DGKI: variants seen among roughly 807,000 people sequenced by gnomAD.
DGKI encodes the protein DAG kinase iota.
In DGKI, 55 loss-of-function variants were observed where a neutral mutation model predicts 147.5. The ratio of observed to expected loss-of-function variants is 0.37; its 90% confidence interval spans 0.30 to 0.47. The LOEUF is 0.47. DGKI is among the 20% of genes least tolerant of loss of function. The pLI is 1.00. For missense variants in DGKI, 1,007 were observed against 1,323.8 expected, an observed-to-expected ratio of 0.76 and a Z score of 3.71; for synonymous variants, 469 against 477.1, an observed-to-expected ratio of 0.98 and a Z score of 0.22.
chr7:137,395,845 G>A (rs1011501104), intron 31 of DGKI, 148 bp from the exon 32 acceptor site: 18 of 590,504 alleles, frequency 3.0e-5, no homozygotes, highest in African/African-American at 5.6e-5. Context: ...GGGGAGGTAG[G>A]GAAGGGGATT....
intron 1 of DGKI, among the ~76,000 whole-genome samples, chr7:137,799,529 C>A (rs970112945): frequency 6.6e-6 from 1 of 152,132 alleles, no homozygotes; most frequent in Non-Finnish European, 1.5e-5. Context: ...TCATTATTAA[C>A]AAAACCAGTC....
At chr7:137,414,550 A>T (rs1812287340) in intron 28 of DGKI, among the ~76,000 whole-genome samples, 1 of 150,192 alleles carries the variant, frequency 6.7e-6, no homozygotes, top group South Asian at 2.1e-4. Flanking sequence ...AAAAAAAAAA[A>T]AACCCTATGA....
chr7:137,817,050 A>G (rs1797758417), intron 1 of DGKI, among the ~76,000 whole-genome samples: 1 of 152,228 alleles, frequency 6.6e-6, no homozygotes, highest in African/African-American at 2.4e-5. Context: ...CACTGTTATC[A>G]TTCTCGTCTC....
At chr7:137,550,105 G>T (rs1303841844) in intron 20 of DGKI, among the ~76,000 whole-genome samples, 1 of 151,670 alleles carries the variant, frequency 6.6e-6, no homozygotes, top group Non-Finnish European at 1.5e-5. Context: ...TTGGATGCAG[G>T]CATCACTGCC....
chr7:137,649,966 G>A lies in DGKI; in HGVS notation c.739-4429C>T, dbSNP rs545742613. Among the ~76,000 whole-genome samples the A allele has an allele frequency of 4.6e-5, 7 of 151,196 alleles. No individual in the cohort carries two copies. The South Asian group carries it at 1.5e-3, about 31-fold the overall frequency. Reference sequence around the variant, plus strand: ...CAGGGCATAGTGACCAACAATCTGTGCTCCAGAGACTCTTACCACTTAGTG... The same window carrying A: ...CAGGGCATAGTGACCAACAATCTGTACTCCAGAGACTCTTACCACTTAGTG... On this transcript the variant is annotated intron_variant, in intron 5 of 32. Coordinates refer to ENST00000614521, the MANE Select transcript of DGKI (RefSeq NM_001321708.2).
At chr7:137,541,470 T>C (rs2128961488) in intron 20 of DGKI, among the ~76,000 whole-genome samples, 1 of 152,342 alleles carries the variant, frequency 6.6e-6, no homozygotes, top group African/African-American at 2.4e-5. Flanking sequence ...ATAAGCAATC[T>C]AGAGATGATT....
chr7:137,788,168 G>T (rs1308635336), intron 1 of DGKI, among the ~76,000 whole-genome samples: 2 of 152,108 alleles, frequency 1.3e-5, no homozygotes, highest in Non-Finnish European at 2.9e-5. Flanking sequence ...TTCTCTTGAG[G>T]TTCCTGTTCC....
chr7:137,798,064 C>T (rs1017579103), intron 1 of DGKI, among the ~76,000 whole-genome samples: 4 of 152,082 alleles, frequency 2.6e-5, no homozygotes, highest in African/African-American at 9.7e-5. Flanking sequence ...CTATAAACAA[C>T]TATATGCCAA....
chr7:137,622,797 T>A (rs1055026208), intron 7 of DGKI, among the ~76,000 whole-genome samples: 1 of 152,094 alleles, frequency 6.6e-6, no homozygotes, highest in Middle Eastern at 3.4e-3. Flanking sequence ...AATAAGAAAA[T>A]GTAGCATCTG....
At chr7:137,640,006 G>GTT (rs372124897) in intron 6 of DGKI, among the ~76,000 whole-genome samples, 8 of 143,616 alleles carry the variant, frequency 5.6e-5, no homozygotes, top group East Asian at 2.0e-4. Context: ...TTATTATTAG[G>GTT]TTTTTTTTTT....
intron 1 of DGKI, among the ~76,000 whole-genome samples, chr7:137,816,639 C>T (rs148257746): frequency 2.0e-5 from 3 of 151,924 alleles, no homozygotes; most frequent in Admixed American, 2.0e-4. Context: ...AGAGGAGAGA[C>T]AGATAATAAA....
intron 23 of DGKI, among the ~76,000 whole-genome samples, chr7:137,470,878 G>C (rs1335159521): frequency 6.6e-6 from 1 of 152,086 alleles, no homozygotes; most frequent in Non-Finnish European, 1.5e-5. Flanking sequence ...CCTTCCAAGA[G>C]ATTGCCAGGA....
At chr7:137,648,089 ACAGT>A (rs1234390946) in intron 5 of DGKI, among the ~76,000 whole-genome samples, 1 of 152,198 alleles carries the variant, frequency 6.6e-6, no homozygotes, top group Non-Finnish European at 1.5e-5. Flanking sequence ...GATTTCAATG[ACAGT>A]CAGTAGTAGA....
At chr7:137,708,557 A>G (rs756571115) in intron 1 of DGKI, among the ~76,000 whole-genome samples, 2 of 152,246 alleles carry the variant, frequency 1.3e-5, no homozygotes, top group Non-Finnish European at 2.9e-5. Context: ...ATATTTAGCA[A>G]AAAGAAATGG....
chr7:137,530,350 C>T (rs1029287875), intron 20 of DGKI, among the ~76,000 whole-genome samples: 1 of 152,126 alleles, frequency 6.6e-6, no homozygotes, highest in African/African-American at 2.4e-5. Flanking sequence ...AGTTTATCCT[C>T]CTCTAAATCT....
At chr7:137,818,312 C>T (rs1364163554) in intron 1 of DGKI, among the ~76,000 whole-genome samples, 1 of 152,182 alleles carries the variant, frequency 6.6e-6, no homozygotes, top group African/African-American at 2.4e-5. Flanking sequence ...GTGTCATCAA[C>T]CACACAAGTG....
At chr7:137,772,526 G>T (rs1005179828) in intron 1 of DGKI, among the ~76,000 whole-genome samples, 1 of 152,132 alleles carries the variant, frequency 6.6e-6, no homozygotes, top group Non-Finnish European at 1.5e-5. Flanking sequence ...AAAGCTTGCA[G>T]AATGGTTTAT....
At chr7:137,531,054 C>A (rs1817321288) in intron 20 of DGKI, among the ~76,000 whole-genome samples, 1 of 152,156 alleles carries the variant, frequency 6.6e-6, no homozygotes, top group African/African-American at 2.4e-5. Context: ...TAAGTTCCCA[C>A]ATACACTCTT....
intron 3 of DGKI, among the ~76,000 whole-genome samples, chr7:137,663,172 A>G (rs1300134315): frequency 6.6e-6 from 1 of 152,222 alleles, no homozygotes; most frequent in Non-Finnish European, 1.5e-5. Context: ...TGTGTATAAG[A>G]CTATGTGAGT....
Sources: allele counts gnomAD v4.1 joint callset (sites outside exome capture counted in the v4.1 genomes callset), GRCh38; gene constraint gnomAD v4.1.1; transcripts MANE v1.5; gene names NCBI Gene and HGNC (gene_info 2026-07-23, HGNC 2026-07-21).